BANK1: variants seen among roughly 807,000 people sequenced by gnomAD.
BANK1 encodes B cell scaffold protein with ankyrin repeats 1.
A neutral mutation model predicts 94.5 loss-of-function variants in BANK1; 95 were observed. The ratio of observed to expected loss-of-function variants is 1.00; its 90% CI spans 0.85 to 1.19. The LOEUF (loss-of-function observed/expected upper bound fraction) is 1.19. Among genes scored for constraint, BANK1 ranks in the 50% most tolerant of loss-of-function variants. BANK1 has a pLI of 0.00. For synonymous variants in BANK1, 334 were observed against 308.4 expected, an observed-to-expected ratio of 1.08 and a Z score of -0.87; for missense variants, 987 against 932.2, an observed-to-expected ratio of 1.06 and a Z score of -0.77.
At chr4:101,878,485 A>C (rs1728569165) in intron 5 of BANK1, among the ~76,000 whole-genome samples, 1 of 152,216 alleles carries the variant, frequency 6.6e-6, no homozygotes, top group South Asian at 2.1e-4. Flanking sequence ...AAGGAGAGAA[A>C]TAGTCCTCAA....
chr4:101,886,307 A>T (rs1298378025), intron 5 of BANK1, among the ~76,000 whole-genome samples: 1 of 152,212 alleles, frequency 6.6e-6, no homozygotes, highest in Non-Finnish European at 1.5e-5. Flanking sequence ...TTGAGGAGGC[A>T]GTGGGACTTC....
At chr4:102,070,679 C>T (rs1728728784) in intron 13 of BANK1, among the ~76,000 whole-genome samples, 1 of 152,146 alleles carries the variant, frequency 6.6e-6, no homozygotes, top group Admixed American at 6.5e-5. Flanking sequence ...ACCTAATGGT[C>T]GCCTGACATT....
intron 7 of BANK1, among the ~76,000 whole-genome samples, chr4:101,970,113 C>T (rs1384833627): frequency 1.3e-5 from 2 of 152,128 alleles, no homozygotes; most frequent in Non-Finnish European, 2.9e-5. Context: ...GTTTCCTCCT[C>T]TAAGTTCCCA....
chr4:102,054,115 G>GAT (rs558897771), intron 11 of BANK1, among the ~76,000 whole-genome samples: 89 of 152,104 alleles, frequency 5.9e-4, no homozygotes, highest in African/African-American at 2.0e-3. Flanking sequence ...TCTGCATAAC[G>GAT]ATAGTTCATT....
At chr4:101,873,972 AG>A in intron 5 of BANK1, among the ~76,000 whole-genome samples, 1 of 152,344 alleles carries the variant, frequency 6.6e-6, no homozygotes, top group Admixed American at 6.5e-5. Flanking sequence ...AAAGGCTAAA[AG>A]AACACAGTAA....
At chr4:101,805,738 GTTC>G in intron 1 of BANK1, among the ~76,000 whole-genome samples, 3 of 151,646 alleles carry the variant, frequency 2.0e-5, no homozygotes, top group African/African-American at 7.2e-5. Context: ...CAGCCTCAGA[GTTC>G]TTATGTCCAA....
At chr4:101,993,154 A>T (rs1413682472) in intron 7 of BANK1, among the ~76,000 whole-genome samples, 2 of 152,146 alleles carry the variant, frequency 1.3e-5, no homozygotes, top group Admixed American at 6.6e-5. Flanking sequence ...CTAGTCATTG[A>T]TTCTGTACTG....
intron 2 of BANK1, among the ~76,000 whole-genome samples, chr4:101,853,754 A>G (rs1727581315): frequency 1.3e-5 from 2 of 152,138 alleles, no homozygotes; most frequent in African/African-American, 4.8e-5. Context: ...CTCCTGGGGC[A>G]AGGCATTTTC....
At chr4:102,000,735 A>AT (rs1726038702) in intron 7 of BANK1, among the ~76,000 whole-genome samples, 1 of 152,214 alleles carries the variant, frequency 6.6e-6, no homozygotes, top group Non-Finnish European at 1.5e-5. Context: ...TTCTATACAT[A>AT]TTTAGGAAGT....
chr4:101,898,237 G>A (rs941058707), intron 6 of BANK1, among the ~76,000 whole-genome samples: 1 of 151,894 alleles, frequency 6.6e-6, no homozygotes, highest in East Asian at 1.9e-4. Context: ...CAATAGTCTT[G>A]GATCAATGTC....
intron 6 of BANK1, among the ~76,000 whole-genome samples, chr4:101,905,831 C>T (rs1036115860): frequency 6.6e-6 from 1 of 152,086 alleles, no homozygotes; most frequent in Non-Finnish European, 1.5e-5. Flanking sequence ...CCTGAGCAGC[C>T]GAATCTGCAG....
intron 7 of BANK1, among the ~76,000 whole-genome samples, chr4:101,988,246 T>C (rs1300161990): frequency 1.3e-5 from 2 of 152,224 alleles, no homozygotes; most frequent in Non-Finnish European, 2.9e-5. Context: ...TTTTATGCTT[T>C]GTGAGTTTTC....
chr4:101,947,064 C>G (rs1723953460), intron 7 of BANK1, among the ~76,000 whole-genome samples: 4 of 151,454 alleles, frequency 2.6e-5, no homozygotes, highest in Admixed American at 2.6e-4. Flanking sequence ...ACTCACAGGA[C>G]AGATTTGAGA....
intron 7 of BANK1, among the ~76,000 whole-genome samples, chr4:102,004,671 G>A (rs551314086): frequency 6.6e-6 from 1 of 152,206 alleles, no homozygotes; most frequent in South Asian, 2.1e-4. Flanking sequence ...GGTGGTTTTA[G>A]TAGCTCATAA....
rs147126750 is a variant in BANK1, at chr4:101,847,488, C to A, written c.470-7547C>A. Among the ~76,000 whole-genome samples, 612 of 151,810 alleles carry A rather than the reference C, an allele frequency of 4.0e-3. 3 individuals carry two copies. The highest frequency in any genetic ancestry group is 0.013 in the African/African-American group (554 of 41,328). ...TGTAAGATTTTGGTGCACCCATCACCCAAGCAATATACACTGCACCATATT... is the reference window on the plus strand; with the variant it reads ...TGTAAGATTTTGGTGCACCCATCACACAAGCAATATACACTGCACCATATT... On this transcript the variant is annotated intron_variant, in intron 2 of 16. Coordinates refer to ENST00000322953, the MANE Select transcript of BANK1 (RefSeq NM_017935.5).
chr4:101,986,845 GTATATATA>G (rs1463968913), intron 7 of BANK1, among the ~76,000 whole-genome samples: 2,728 of 61,322 alleles, frequency 0.044, 124 homozygotes, highest in South Asian at 0.072. Context: ...ATATATATGT[GTATATATA>G]TGTATATATA....
intron 2 of BANK1, among the ~76,000 whole-genome samples, chr4:101,853,349 T>A (rs1461981634): frequency 6.6e-6 from 1 of 152,218 alleles, no homozygotes; most frequent in Non-Finnish European, 1.5e-5. Context: ...TGGTGACTTC[T>A]CTTTTTTTTG....
intron 1 of BANK1, among the ~76,000 whole-genome samples, chr4:101,824,045 A>G (rs895734194): frequency 3.9e-5 from 6 of 152,218 alleles, no homozygotes; most frequent in Admixed American, 1.3e-4. Flanking sequence ...CACAGCGAGG[A>G]GTTACAATTC....
At chr4:101,990,167 G>A (rs1002910602) in intron 7 of BANK1, among the ~76,000 whole-genome samples, 9 of 152,254 alleles carry the variant, frequency 5.9e-5, no homozygotes, top group African/African-American at 2.2e-4. Context: ...TAATCAAAAA[G>A]CATCTGAGGT....
Sources: allele counts gnomAD v4.1 joint callset (sites outside exome capture counted in the v4.1 genomes callset), GRCh38; gene constraint gnomAD v4.1.1; transcripts MANE v1.5; gene names NCBI Gene and HGNC (gene_info 2026-07-23, HGNC 2026-07-21).